Variants in SHISA9 observed in about 807,000 individuals in gnomAD.
SHISA9 encodes protein shisa-9.
In SHISA9, 13 loss-of-function variants were observed where a neutral mutation model predicts 38.0. The observed-to-expected ratio is 0.34, with a 90% CI of 0.22 to 0.54. The LOEUF is 0.54. Ranked by LOEUF, SHISA9 falls within the 20% of genes least tolerant of loss-of-function variation. SHISA9 has a pLI of 0.91. For synonymous variants in SHISA9, 275 were observed against 242.0 expected (o/e 1.14, Z -1.27); for missense variants, 538 against 575.8 (o/e 0.93, Z 0.67).
the SHISA9 span, among the ~76,000 whole-genome samples, chr16:13,447,909 T>C: frequency 1.2e-4 from 19 of 152,346 alleles, no homozygotes; most frequent in South Asian, 1.2e-3. Context: ...GAACGCATGA[T>C]GGACTTGAGA....
At chr16:13,471,188 G>GA in the SHISA9 span, among the ~76,000 whole-genome samples, 1 of 152,020 alleles carries the variant, frequency 6.6e-6, no homozygotes, top group East Asian at 1.9e-4. Flanking sequence ...CTGATGGAGA[G>GA]AAAACACAAC....
chr16:13,055,847 G>A (rs1415708440), intron 2 of SHISA9, among the ~76,000 whole-genome samples: 1 of 152,216 alleles, frequency 6.6e-6, no homozygotes, highest in Non-Finnish European at 1.5e-5. Flanking sequence ...TCGTGCTTAG[G>A]TGAGAGTGAT....
At chr16:13,071,806 A>T (rs1042513919) in intron 2 of SHISA9, among the ~76,000 whole-genome samples, 19 of 145,474 alleles carry the variant, frequency 1.3e-4, no homozygotes, top group African/African-American at 2.0e-4. Context: ...CCCGGCTTTT[A>T]TTTTTTTTTT....
chr16:13,015,412 A>G (rs2072728976), intron 2 of SHISA9, among the ~76,000 whole-genome samples: 1 of 152,264 alleles, frequency 6.6e-6, no homozygotes, highest in Non-Finnish European at 1.5e-5. Context: ...TGAGAAGGTC[A>G]AAGCTCAAAG....
the SHISA9 span, among the ~76,000 whole-genome samples, chr16:13,431,858 C>T: frequency 2.6e-5 from 4 of 152,050 alleles, no homozygotes; most frequent in South Asian, 6.2e-4. Context: ...GTCAGGAGTT[C>T]GAGACCAGCC....
At chr16:13,135,990 A>G (rs1263734013) in intron 2 of SHISA9, among the ~76,000 whole-genome samples, 1 of 152,202 alleles carries the variant, frequency 6.6e-6, no homozygotes, top group Admixed American at 6.5e-5. Flanking sequence ...TGGGCCAGGA[A>G]TAGCCCTTTA....
the SHISA9 span, among the ~76,000 whole-genome samples, chr16:13,411,462 A>C: frequency 6.6e-6 from 1 of 152,218 alleles, no homozygotes; most frequent in Non-Finnish European, 1.5e-5. Context: ...GAAGCACAGG[A>C]TAATTATGAC....
rs1339662264 is a variant in SHISA9, at chr16:13,093,799, G to A, written c.692-109595G>A. ...AGGGCCTCTCTAAGTACACCACACA[G>A]CACTGCGGGGCCTATAAATAGTGAC... On this transcript the variant is annotated intron_variant, in intron 2 of 4. Transcript: ENST00000558583. Among the ~76,000 whole-genome samples the A allele has an allele frequency of 3.3e-5, 5 of 152,284 alleles. No individual in the cohort carries two copies. The South Asian group carries it at 6.2e-4, about 19-fold the overall frequency.
Position 13,091,627 on chromosome 16 carries a change from C to T in SHISA9, c.692-111767C>T, listed in dbSNP as rs1376509331. ...GCTTGTGCATGTGTCACGAAGTTCT[C>T]ATGCCATGGTTTTCAGCTCCATCAG... On this transcript the variant is annotated intron_variant, in intron 2 of 4. Transcript: ENST00000558583. Among the ~76,000 whole-genome samples, 6 of 152,306 alleles carry T rather than the reference C, an allele frequency of 3.9e-5. No individual in the cohort carries two copies. In the East Asian group the frequency reaches 5.8e-4, roughly 15 times the overall value.
chr16:13,162,686 G>A (rs1185412129), intron 2 of SHISA9, among the ~76,000 whole-genome samples: 1 of 152,160 alleles, frequency 6.6e-6, no homozygotes, highest in Non-Finnish European at 1.5e-5. Flanking sequence ...TACATAGTAG[G>A]TGCCTATTAT....
chr16:13,082,191 C>T (rs753252673), intron 2 of SHISA9, among the ~76,000 whole-genome samples: 2 of 152,274 alleles, frequency 1.3e-5, no homozygotes, highest in East Asian at 1.9e-4. Context: ...CCCTTGAGAA[C>T]GCAGAATAGA....
the SHISA9 span, among the ~76,000 whole-genome samples, chr16:13,322,333 C>T: frequency 3.3e-5 from 5 of 152,316 alleles, no homozygotes; most frequent in Admixed American, 1.3e-4. Context: ...GCCTCTGGAG[C>T]CAGGAGGGCC....
intron 2 of SHISA9, among the ~76,000 whole-genome samples, chr16:12,987,389 A>C (rs1486605084): frequency 6.6e-6 from 1 of 152,238 alleles, no homozygotes; most frequent in African/African-American, 2.4e-5. Context: ...TGTGATACAT[A>C]TACACCATGG....
At chr16:13,224,264 C>T (rs951017955) in intron 4 of SHISA9, among the ~76,000 whole-genome samples, 1 of 152,184 alleles carries the variant, frequency 6.6e-6, no homozygotes, top group African/African-American at 2.4e-5. Flanking sequence ...CCTTCTTCAC[C>T]TGACTTTATT....
intron 4 of SHISA9, among the ~76,000 whole-genome samples, chr16:13,230,578 G>T (rs2051322440): frequency 1.3e-5 from 2 of 152,118 alleles, no homozygotes. Flanking sequence ...GAGTAATGTT[G>T]CTGGGTTCAG....
intron 2 of SHISA9, among the ~76,000 whole-genome samples, chr16:13,144,408 C>A (rs2050429211): frequency 6.6e-6 from 1 of 152,054 alleles, no homozygotes; most frequent in Non-Finnish European, 1.5e-5. Flanking sequence ...GCCTCGGCCT[C>A]CCAAAGTGCT....
At chr16:13,300,202 A>T in the SHISA9 span, among the ~76,000 whole-genome samples, 1 of 152,118 alleles carries the variant, frequency 6.6e-6, no homozygotes, top group Non-Finnish European at 1.5e-5. Context: ...TTCCCTCCCC[A>T]GTACGCCTGT....
intron 2 of SHISA9, among the ~76,000 whole-genome samples, chr16:13,187,059 A>G (rs9938051): frequency 0.17 from 25,656 of 152,144 alleles, 2,387 homozygotes; most frequent in Middle Eastern, 0.24. Flanking sequence ...ACTTCGAGAT[A>G]CTGCTTTCAG....
chr16:13,325,995 C>A, the SHISA9 span, among the ~76,000 whole-genome samples: 13 of 150,394 alleles, frequency 8.6e-5, no homozygotes, highest in African/African-American at 3.2e-4. Context: ...TGCAGCAAAC[C>A]ACCATGGAAC....
Sources: gnomAD v4.1 joint callset for allele counts (sites outside exome capture counted in the v4.1 genomes callset) on GRCh38, gnomAD v4.1.1 for gene constraint, MANE v1.5 for transcripts, NCBI Gene and HGNC (gene_info 2026-07-23, HGNC 2026-07-21) for gene names.